Variants in NKAIN2 observed in about 807,000 individuals in gnomAD.
NKAIN2 encodes the protein sodium/potassium transporting ATPase interacting 2, also known as sodium/potassium-transporting ATPase subunit beta-1-interacting protein 2.
Under a neutral mutation model 32.6 loss-of-function variants are expected in NKAIN2, and 14 were observed. The observed-to-expected ratio is 0.43, with a 90% CI of 0.28 to 0.67. The LOEUF (loss-of-function observed/expected upper bound fraction) is 0.67. Among genes scored for constraint, NKAIN2 ranks in the 30% least tolerant of loss-of-function variants. The pLI is 0.17. For synonymous variants in NKAIN2, 80 were observed against 87.2 expected (o/e 0.92, Z 0.46); for missense variants, 198 against 258.3 (o/e 0.77, Z 1.60).
At chr6:124,576,760 G>A (rs584170) in intron 3 of NKAIN2, among the ~76,000 whole-genome samples, 75,411 of 151,958 alleles carry the variant, frequency 0.5, 20,116 homozygotes, top group Non-Finnish European at 0.58. Context: ...TTTAAGAAAC[G>A]CACTTGTAGA....
At chr6:124,483,954 T>C (rs1777554379) in intron 3 of NKAIN2, among the ~76,000 whole-genome samples, 1 of 152,244 alleles carries the variant, frequency 6.6e-6, no homozygotes, top group South Asian at 2.1e-4. Flanking sequence ...CTATGAAATC[T>C]TTATTACCTC....
intron 2 of NKAIN2, among the ~76,000 whole-genome samples, chr6:124,303,494 A>G (rs762052460): frequency 2.0e-5 from 3 of 152,222 alleles, no homozygotes; most frequent in Non-Finnish European, 4.4e-5. Flanking sequence ...CAAGAATGCT[A>G]TGTGTGTCAA....
chr6:124,630,619 TA>T (rs1783526876), intron 3 of NKAIN2, among the ~76,000 whole-genome samples: 2 of 152,074 alleles, frequency 1.3e-5, no homozygotes, highest in East Asian at 1.9e-4. Context: ...TTATTTAGAC[TA>T]AAAAAAAGTG....
At chr6:124,502,096 T>A (rs1778315447) in intron 3 of NKAIN2, among the ~76,000 whole-genome samples, 1 of 152,068 alleles carries the variant, frequency 6.6e-6, no homozygotes, top group South Asian at 2.1e-4. Context: ...AGAGCAAGAC[T>A]GTCTCAAATA....
At chr6:124,337,433 GGA>G (rs1797924480) in intron 2 of NKAIN2, among the ~76,000 whole-genome samples, 1 of 152,204 alleles carries the variant, frequency 6.6e-6, no homozygotes, top group Non-Finnish European at 1.5e-5. Context: ...CTCTAGCCTA[GGA>G]GTTGGAGGGT....
At chr6:124,212,996 A>G (rs1022330629) in intron 1 of NKAIN2, among the ~76,000 whole-genome samples, 12 of 152,088 alleles carry the variant, frequency 7.9e-5, no homozygotes, top group Non-Finnish European at 1.8e-4. Flanking sequence ...ATATACTTGC[A>G]TATTTCTTTG....
At chr6:123,875,958 G>A (rs1035545251) in intron 1 of NKAIN2, among the ~76,000 whole-genome samples, 3 of 151,980 alleles carry the variant, frequency 2.0e-5, no homozygotes, top group African/African-American at 7.2e-5. Context: ...GGAAGTTTCA[G>A]GGCAGTCTCT....
At chr6:124,457,380 TGA>T (rs1776363576) in intron 3 of NKAIN2, among the ~76,000 whole-genome samples, 1 of 151,966 alleles carries the variant, frequency 6.6e-6, no homozygotes, top group African/African-American at 2.4e-5. Flanking sequence ...GGTATGTGTG[TGA>T]GAGAGTTTTG....
chr6:124,408,907 T>C lies in NKAIN2; in HGVS notation c.273+53560T>C, dbSNP rs1260553857. On this transcript the variant is annotated intron_variant, in intron 3 of 6. Transcript: ENST00000368417. ...GTTTGTAGTTCTCCTTGAAGTGGTC[T>C]TTCACATCCCTTGTAAGTTGGATTC... Among the ~76,000 whole-genome samples, 6 of 152,184 alleles carry C rather than the reference T, an allele frequency of 3.9e-5. No homozygotes were observed. In the South Asian group the frequency reaches 6.2e-4, roughly 16 times the overall value.
rs73565119 is a variant in NKAIN2, at chr6:123,854,357, A to G, written c.54+50103A>G. On this transcript the variant is annotated intron_variant, in intron 1 of 6. Transcript: ENST00000368417. ...CATCTGCTTTTCCATTGCCTTTGGT[A>G]GCTTATACAATTTTAGAACATATGC... Among the ~76,000 whole-genome samples the G allele has an allele frequency of 8.3e-3, 1,263 of 152,258 alleles. 15 individuals carry two copies. Among genetic ancestry groups the G allele is most frequent in the African/African-American group, 0.029 (1,184 of 41,534 alleles).
intron 1 of NKAIN2, among the ~76,000 whole-genome samples, chr6:124,180,765 G>T (rs1789402465): frequency 6.6e-6 from 1 of 152,174 alleles, no homozygotes; most frequent in African/African-American, 2.4e-5. Flanking sequence ...GCCTTTGAAA[G>T]CTCTGCCCCT....
chr6:124,408,631 G>T (rs1773990057), intron 3 of NKAIN2, among the ~76,000 whole-genome samples: 1 of 152,186 alleles, frequency 6.6e-6, no homozygotes, highest in Non-Finnish European at 1.5e-5. Flanking sequence ...CAGGTAGTGT[G>T]ATGCCTCCAG....
intron 3 of NKAIN2, among the ~76,000 whole-genome samples, chr6:124,429,923 T>C (rs1470515220): frequency 6.6e-6 from 1 of 151,976 alleles, no homozygotes; most frequent in Non-Finnish European, 1.5e-5. Context: ...GGGACAGAGC[T>C]GAAATAACAT....
At chr6:124,407,959 T>C (rs1304460822) in intron 3 of NKAIN2, among the ~76,000 whole-genome samples, 1 of 151,972 alleles carries the variant, frequency 6.6e-6, no homozygotes, top group Non-Finnish European at 1.5e-5. Flanking sequence ...ATGATGAGCA[T>C]TTTTTCATGT....
intron 1 of NKAIN2, among the ~76,000 whole-genome samples, chr6:124,167,787 T>C (rs982735114): frequency 6.6e-6 from 1 of 152,240 alleles, no homozygotes; most frequent in Non-Finnish European, 1.5e-5. Context: ...CATGTGGTTT[T>C]TGTCTTTGGT....
chr6:124,275,604 T>A (rs1337242755), intron 1 of NKAIN2, among the ~76,000 whole-genome samples: 1 of 152,146 alleles, frequency 6.6e-6, no homozygotes, highest in African/African-American at 2.4e-5. Context: ...ACAACAGATT[T>A]AATATATGGG....
At chr6:124,553,403 G>T (rs1352567751) in intron 3 of NKAIN2, among the ~76,000 whole-genome samples, 1 of 152,160 alleles carries the variant, frequency 6.6e-6, no homozygotes, top group Non-Finnish European at 1.5e-5. Context: ...CGCCTCCCAG[G>T]TTCAAGCGAT....
At chr6:124,743,255 A>G (rs747239276) in intron 4 of NKAIN2, among the ~76,000 whole-genome samples, 3 of 151,848 alleles carry the variant, frequency 2.0e-5, no homozygotes, top group Non-Finnish European at 4.4e-5. Context: ...GAAGATTTTT[A>G]TGAGATTCAA....
intron 1 of NKAIN2, among the ~76,000 whole-genome samples, chr6:123,818,186 AATT>A (rs1773776430): frequency 6.6e-6 from 1 of 152,226 alleles, no homozygotes; most frequent in Admixed American, 6.5e-5. Flanking sequence ...TCAGACATAT[AATT>A]ATTGTTGACA....
Sources: allele counts gnomAD v4.1 joint callset (sites outside exome capture counted in the v4.1 genomes callset), GRCh38; gene constraint gnomAD v4.1.1; transcripts MANE v1.5; gene names NCBI Gene and HGNC (gene_info 2026-07-23, HGNC 2026-07-21).